The following LPP variants were observed in gnomAD, a reference collection of about 807,000 sequenced individuals.
LPP encodes the protein LIM domain containing preferred translocation partner in lipoma, also known as lipoma-preferred partner.
LPP carries 38 observed loss-of-function variants against 60.4 expected under a neutral mutation model. The ratio of observed to expected loss-of-function variants is 0.63; its 90% CI spans 0.49 to 0.83. LPP has a LOEUF of 0.83. Ranked by LOEUF, LPP falls within the 40% of genes least tolerant of loss-of-function variation. LPP has a pLI of 0.00. For synonymous variants in LPP, 328 were observed against 290.8 expected (o/e 1.13, Z -1.30); for missense variants, 902 against 783.6 (o/e 1.15, Z -1.80).
intron 9 of LPP, among the ~76,000 whole-genome samples, chr3:188,782,258 A>G (rs867171743): frequency 6.6e-6 from 1 of 152,210 alleles, no homozygotes; most frequent in Non-Finnish European, 1.5e-5. Context: ...AAAACTCAGT[A>G]TCTCATCACT....
At chr3:188,389,137 ATG>A (rs561004724) in intron 3 of LPP, among the ~76,000 whole-genome samples, 3 of 150,760 alleles carry the variant, frequency 2.0e-5, no homozygotes, top group South Asian at 2.1e-4. Flanking sequence ...GTGTGTGCGT[ATG>A]TGTGTGTGTG....
intron 4 of LPP, among the ~76,000 whole-genome samples, chr3:188,427,801 G>A (rs1789808861): frequency 6.6e-6 from 1 of 152,144 alleles, no homozygotes. Context: ...TCAGACTGCT[G>A]TGCTGGCAGT....
chr3:188,827,866 G>A (rs58798186), intron 9 of LPP, among the ~76,000 whole-genome samples: 3,523 of 152,050 alleles, frequency 0.023, 125 homozygotes, highest in African/African-American at 0.08. Context: ...TCTGCTTCCC[G>A]ACCACCTGCC....
At chr3:188,441,710 T>C (rs1365766248) in intron 4 of LPP, among the ~76,000 whole-genome samples, 1 of 132,432 alleles carries the variant, frequency 7.6e-6, no homozygotes, top group Non-Finnish European at 1.6e-5. Context: ...AAGCTCTGCC[T>C]CCCAGGTTCA....
In LPP at chr3:188,609,853, C is replaced by G; in HGVS notation, c.1113+9C>G. On this transcript the variant is annotated intron_variant, in intron 7 of 11. Coordinates refer to ENST00000617246, the MANE Select transcript of LPP (RefSeq NM_001375462.1). This position sits in a 1 kb window ranked among gnomAD's most constrained non-coding sequence, Gnocchi z 6.9. ...CACCATTGCAGCCAAAGGTAAGAAA[C>G]TCAGTAACATAAGGAGGAGAATACA... is the stretch of plus-strand genomic sequence containing the variant. The G allele has an allele frequency of 6.2e-7, 1 of 1,603,064 alleles. No homozygotes were observed. Among genetic ancestry groups the G allele is most frequent in the East Asian group, 2.2e-5 (1 of 44,826 alleles).
At chr3:188,751,412 T>C (rs552243424) in intron 8 of LPP, among the ~76,000 whole-genome samples, 135 of 152,342 alleles carry the variant, frequency 8.9e-4, no homozygotes, top group Middle Eastern at 3.4e-3. Context: ...AAATGAATTC[T>C]AAATATAGAA....
chr3:188,649,471 G>A (rs1851683192), intron 7 of LPP, among the ~76,000 whole-genome samples: 1 of 152,252 alleles, frequency 6.6e-6, no homozygotes, highest in East Asian at 1.9e-4. Context: ...AAAGGGGACT[G>A]GACTTAACCA....
At position 188,657,258 on chromosome 3, in the gene LPP, G is replaced by GTATATATATATATATATATATATATA. The variant is rs148151207; in HGVS notation, c.1113+47437_1113+47438insATATATATATATATATATATATATAT. 2.0e-3 allele frequency among the ~76,000 whole-genome samples: 182 copies of GTATATATATATATATATATATATATA among 89,770 alleles called. 8 individuals are homozygous for GTATATATATATATATATATATATATA. Among genetic ancestry groups the GTATATATATATATATATATATATATA allele is most frequent in the Non-Finnish European group, 2.2e-3 (104 of 46,798 alleles). 58.9% of individuals were successfully genotyped at this position (89,770 alleles called of 152,430 possible). On this transcript the variant is annotated intron_variant, in intron 7 of 11. Coordinates refer to ENST00000617246, the MANE Select transcript of LPP (RefSeq NM_001375462.1). ...ATAAGTTTTCAAGAGCTGTCAAGGT[G>GTATATATATATATATATATATATATA]TATATATATATATATATATATATTT...
chr3:188,766,697 C>T (rs951327233), intron 9 of LPP, among the ~76,000 whole-genome samples: 7 of 152,154 alleles, frequency 4.6e-5, no homozygotes, highest in Admixed American at 2.6e-4. Flanking sequence ...TTACCTTTTT[C>T]CCATGATGGT....
At chr3:188,253,602 G>A (rs1230902608) in intron 2 of LPP, among the ~76,000 whole-genome samples, 2 of 152,130 alleles carry the variant, frequency 1.3e-5, no homozygotes, top group Non-Finnish European at 2.9e-5. Flanking sequence ...GGTAGTTAGA[G>A]GAAAATGAGG....
At chr3:188,347,578 G>A (rs1365953849) in intron 3 of LPP, among the ~76,000 whole-genome samples, 1 of 152,062 alleles carries the variant, frequency 6.6e-6, no homozygotes, top group Non-Finnish European at 1.5e-5. Context: ...CATCTATTTT[G>A]TTCCCCTCCT....
chr3:188,592,314 T>C lies in LPP; in HGVS notation c.430-16847T>C, dbSNP rs552309990. ...AAGCCACACATAAAGAGGGTTCACA[T>C]TTAAGCACCATCACCTATACAAAAC... On this transcript the variant is annotated intron_variant, in intron 6 of 11. Transcript: ENST00000617246. Among the ~76,000 whole-genome samples the C allele has an allele frequency of 9.2e-5, 14 of 151,780 alleles. 1 individual carries two copies. In the South Asian group the frequency reaches 2.9e-3, roughly 32 times the overall value.
chr3:188,851,087 A>C (rs1762577131), intron 9 of LPP, among the ~76,000 whole-genome samples: 1 of 152,210 alleles, frequency 6.6e-6, no homozygotes, highest in Non-Finnish European at 1.5e-5. Flanking sequence ...GAATGAACGA[A>C]CCAAGAGAGT....
At chr3:188,625,218 A>G (rs1846612941) in intron 7 of LPP, among the ~76,000 whole-genome samples, 1 of 152,156 alleles carries the variant, frequency 6.6e-6, no homozygotes, top group African/African-American at 2.4e-5. Context: ...ACCTTCAGAG[A>G]TGAAATAAAT....
At chr3:188,530,870 A>G (rs1822001966) in intron 6 of LPP, among the ~76,000 whole-genome samples, 1 of 152,210 alleles carries the variant, frequency 6.6e-6, no homozygotes, top group African/African-American at 2.4e-5. Context: ...ATGATTTGTT[A>G]GTATAAGTAC....
chr3:188,256,911 A>G (rs1731860325), intron 2 of LPP, among the ~76,000 whole-genome samples: 1 of 152,228 alleles, frequency 6.6e-6, no homozygotes, highest in African/African-American at 2.4e-5. Flanking sequence ...TAGGCCTCTC[A>G]CATTTATCTC....
At chr3:188,719,545 G>A (rs997054729) in intron 8 of LPP, among the ~76,000 whole-genome samples, 1 of 152,156 alleles carries the variant, frequency 6.6e-6, no homozygotes, top group African/African-American at 2.4e-5. Flanking sequence ...AATGTTCTTT[G>A]CTTATTAACT....
At chr3:188,818,510 G>A (rs1201091818) in intron 9 of LPP, among the ~76,000 whole-genome samples, 1 of 152,170 alleles carries the variant, frequency 6.6e-6, no homozygotes, top group Admixed American at 6.5e-5. Context: ...ACGGTTCCAT[G>A]TCAGTTGGAC....
intron 8 of LPP, among the ~76,000 whole-genome samples, chr3:188,730,741 A>G (rs1156455123): frequency 6.6e-6 from 1 of 152,224 alleles, no homozygotes; most frequent in Non-Finnish European, 1.5e-5. Flanking sequence ...GATGTTCAAC[A>G]TGAGTCTCAT....
Sources: gnomAD v4.1 joint callset for allele counts (sites outside exome capture counted in the v4.1 genomes callset) on GRCh38, gnomAD v4.1.1 for gene constraint, Gnocchi (gnomAD v3.1) non-coding constraint, MANE v1.5 for transcripts, NCBI Gene and HGNC (gene_info 2026-07-23, HGNC 2026-07-21) for gene names.